RANBP17: variants seen among roughly 807,000 people sequenced by gnomAD.
The protein encoded by RANBP17 is ran-binding protein 17.
Under a neutral mutation model 141.2 loss-of-function variants are expected in RANBP17, and 158 were observed. The ratio of observed to expected loss-of-function variants is 1.12; its 90% CI spans 0.98 to 1.28. The LOEUF (loss-of-function observed/expected upper bound fraction) is 1.28, where lower values mean the gene tolerates loss of function less well. Ranked by LOEUF, RANBP17 falls within the 50% of genes most tolerant of loss-of-function variation. RANBP17 has a pLI of 0.00. For missense variants in RANBP17, 1,438 were observed against 1,290.7 expected (o/e 1.11, Z -1.75); for synonymous variants, 430 against 450.0 (o/e 0.96, Z 0.56).
chr5:171,082,184 A>T (rs986809707), intron 14 of RANBP17, among the ~76,000 whole-genome samples: 3 of 152,090 alleles, frequency 2.0e-5, no homozygotes, highest in African/African-American at 4.8e-5. Flanking sequence ...CGCTCATCTC[A>T]AATAGAATAT....
At chr5:171,100,658 C>T (rs1204866662) in intron 14 of RANBP17, among the ~76,000 whole-genome samples, 2 of 152,096 alleles carry the variant, frequency 1.3e-5, no homozygotes, top group African/African-American at 4.8e-5. Context: ...AATTTGTTTG[C>T]TCTTGCTTCT....
intron 14 of RANBP17, among the ~76,000 whole-genome samples, chr5:171,055,347 T>C (rs978647144): frequency 6.6e-6 from 1 of 152,202 alleles, no homozygotes; most frequent in African/African-American, 2.4e-5. Context: ...GAAACTAGCA[T>C]GTACTAACAG....
chr5:171,035,499 G>A (rs1218366894), intron 14 of RANBP17, among the ~76,000 whole-genome samples: 1 of 148,518 alleles, frequency 6.7e-6, no homozygotes, highest in Non-Finnish European at 1.5e-5. Flanking sequence ...GCTTGAACAT[G>A]TTAACCCGAT....
At chr5:171,212,563 C>T (rs1263501037) in intron 20 of RANBP17, among the ~76,000 whole-genome samples, 1 of 152,130 alleles carries the variant, frequency 6.6e-6, no homozygotes, top group African/African-American at 2.4e-5. Flanking sequence ...CTTAAAGGAC[C>T]TTGAACACCG....
chr5:171,283,652 AT>A (rs565781090), intron 25 of RANBP17, among the ~76,000 whole-genome samples: 146 of 152,334 alleles, frequency 9.6e-4, no homozygotes, highest in African/African-American at 3.4e-3. Flanking sequence ...AAATGAAAAC[AT>A]TTTGGATCCT....
At chr5:170,972,493 C>CT (rs1185492476) in intron 14 of RANBP17, among the ~76,000 whole-genome samples, 2 of 151,910 alleles carry the variant, frequency 1.3e-5, no homozygotes, top group Non-Finnish European at 2.9e-5. Context: ...CAGAATTCAT[C>CT]TTTTTTTATT....
At chr5:171,252,971 A>G in intron 24 of RANBP17, 10 of 1,426,178 alleles carry the variant, frequency 7.0e-6, no homozygotes, top group East Asian at 6.9e-5. Flanking sequence ...ATCCTTTTCT[A>G]TCAGTCTCGG....
Position 171,240,965 on chromosome 5 carries a change from T to A in RANBP17, c.2460T>A (p.Asp820Glu), listed in dbSNP as rs1346976759. 2 of 1,613,916 alleles carry A rather than the reference T, an allele frequency of 1.2e-6. No homozygotes were observed. The highest frequency in any genetic ancestry group is 2.2e-5 in the South Asian group (2 of 91,062). ...QILSLGSLSK[D>E]QIYPMKLKGI... ...TGTCCCTTGGGAGCCTCTCAAAAGA[T>A]CAGATTTATCCAATGAAACTCAAGG... is the stretch of plus-strand genomic sequence containing the variant. The change falls in exon 23 of 28, where the codon GAT (aspartate) becomes GAA (glutamate). Residue 820 changes from aspartate to glutamate, a missense_variant. By Grantham distance (45) the Asp-to-Glu change is conservative. Coordinates refer to ENST00000523189, the MANE Select transcript of RANBP17 (RefSeq NM_022897.5).
chr5:171,268,309 C>G (rs1766866817), intron 25 of RANBP17, among the ~76,000 whole-genome samples: 1 of 152,124 alleles, frequency 6.6e-6, no homozygotes, highest in Non-Finnish European at 1.5e-5. Flanking sequence ...GACCCCACAA[C>G]AACCCTGAAA....
At chr5:171,194,073 C>G (rs1027130947) in intron 18 of RANBP17, among the ~76,000 whole-genome samples, 31 of 152,058 alleles carry the variant, frequency 2.0e-4, no homozygotes, top group African/African-American at 7.5e-4. Flanking sequence ...TTCTCCTTGC[C>G]CACTTCCCCC....
At chr5:170,945,720 C>T (rs897302347) in intron 12 of RANBP17, among the ~76,000 whole-genome samples, 2 of 152,022 alleles carry the variant, frequency 1.3e-5, no homozygotes, top group African/African-American at 4.8e-5. Flanking sequence ...GCAGGTATTT[C>T]TATGTTTACA....
chr5:171,101,680 C>T (rs1787176616), intron 14 of RANBP17, among the ~76,000 whole-genome samples: 1 of 152,146 alleles, frequency 6.6e-6, no homozygotes, highest in Non-Finnish European at 1.5e-5. Flanking sequence ...GATGCAGTTT[C>T]TTCAATGTCA....
intron 14 of RANBP17, among the ~76,000 whole-genome samples, chr5:171,107,270 G>T (rs1228244970): frequency 6.6e-6 from 1 of 152,132 alleles, no homozygotes; most frequent in Non-Finnish European, 1.5e-5. Flanking sequence ...CTGTTGCCTG[G>T]TATCAAAGGA....
chr5:170,941,033 G>T (rs534658299), intron 12 of RANBP17, among the ~76,000 whole-genome samples: 1 of 151,904 alleles, frequency 6.6e-6, no homozygotes, highest in South Asian at 2.1e-4. Context: ...TGAGGTAAAA[G>T]AAATCTTGAG....
chr5:170,930,517 C>T (rs1360825422), intron 12 of RANBP17, among the ~76,000 whole-genome samples: 1 of 151,770 alleles, frequency 6.6e-6, no homozygotes, highest in Admixed American at 6.6e-5. Flanking sequence ...CCTGTTAACT[C>T]GTCATTTACA....
At chr5:170,942,234 G>T (rs944838684) in intron 12 of RANBP17, among the ~76,000 whole-genome samples, 3 of 152,116 alleles carry the variant, frequency 2.0e-5, no homozygotes, top group Admixed American at 2.0e-4. Context: ...TGGAAAAATT[G>T]TATTCCATGC....
intron 25 of RANBP17, among the ~76,000 whole-genome samples, chr5:171,270,824 A>T (rs1359636513): frequency 6.6e-6 from 1 of 152,158 alleles, no homozygotes; most frequent in East Asian, 1.9e-4. Context: ...TAGAAAGAGT[A>T]ACACCTTCCA....
chr5:171,225,668 C>T (rs914135617), intron 22 of RANBP17, among the ~76,000 whole-genome samples: 10 of 152,176 alleles, frequency 6.6e-5, no homozygotes, highest in African/African-American at 2.4e-4. Flanking sequence ...TTTCCATCCT[C>T]ACTGGGTTCT....
chr5:171,127,698 C>T (rs1022658620), intron 14 of RANBP17, among the ~76,000 whole-genome samples: 9 of 151,928 alleles, frequency 5.9e-5, no homozygotes, highest in Non-Finnish European at 1.2e-4. Context: ...ATCAAAAAGA[C>T]AATAAATAAC....
Sources: allele counts gnomAD v4.1 joint callset (sites outside exome capture counted in the v4.1 genomes callset), GRCh38; gene constraint gnomAD v4.1.1; transcripts MANE v1.5; gene names NCBI Gene and HGNC (gene_info 2026-07-23, HGNC 2026-07-21).